Variants in CANX observed in about 807,000 individuals in gnomAD.
The protein encoded by CANX is calnexin, also known as epididymis secretory sperm binding protein.
In CANX, 14 loss-of-function variants were observed where a neutral mutation model predicts 75.7. The ratio of observed to expected loss-of-function variants is 0.19; its 90% CI spans 0.12 to 0.29. The LOEUF (loss-of-function observed/expected upper bound fraction) is 0.29, where lower values mean the gene tolerates loss of function less well. CANX is among the 10% of genes least tolerant of loss of function. CANX has a pLI of 1.00. For synonymous variants in CANX, 227 were observed against 236.9 expected (o/e 0.96, Z 0.38); for missense variants, 567 against 713.2 (o/e 0.79, Z 2.34).
intron 1 of CANX, among the ~76,000 whole-genome samples, chr5:179,693,145 CAAA>C (rs766961125): frequency 5.4e-5 from 5 of 92,984 alleles, no homozygotes; most frequent in African/African-American, 1.5e-4. Context: ...AACTCCGTCT[CAAA>C]AAAAAAAAAA....
At chr5:179,691,170 G>C (rs1776293445) in intron 1 of CANX, among the ~76,000 whole-genome samples, 1 of 151,384 alleles carries the variant, frequency 6.6e-6, no homozygotes, top group Non-Finnish European at 1.5e-5. Flanking sequence ...GGATTACAGG[G>C]CCTACCACCA....
upstream of CANX, chr5:179,698,423 C>G: frequency 7.8e-7 from 1 of 1,278,686 alleles, no homozygotes; most frequent in Non-Finnish European, 1.0e-6. Context: ...GAGCAGTGCA[C>G]GCCAATCCGG....
At position 179,728,948 on chromosome 5, in the gene CANX, G is replaced by A. The variant is rs918011713; in HGVS notation, c.*304G>A. 2 of 390,856 alleles carry A rather than the reference G, an allele frequency of 5.1e-6. No homozygotes were observed. The highest frequency in any genetic ancestry group is 9.5e-6 in the Non-Finnish European group (2 of 209,724). 24.2% of individuals were successfully genotyped at this position (390,856 alleles called of 1,614,324 possible). On this transcript the variant is annotated 3_prime_UTR_variant, in exon 15 of 15. Transcript: ENST00000247461. Reference sequence around the variant, plus strand: ...TCTTTGTTTTTAAAATAGAATGATAGAACTTTGCCAGTCTTTAAGATCTTG... The same window carrying A: ...TCTTTGTTTTTAAAATAGAATGATAAAACTTTGCCAGTCTTTAAGATCTTG...
chr5:179,682,059 T>C (rs888402519), intron 1 of CANX, among the ~76,000 whole-genome samples: 1 of 151,582 alleles, frequency 6.6e-6, no homozygotes, highest in Admixed American at 6.6e-5. Flanking sequence ...GAGAACTGCC[T>C]GACCAACATG....
At chr5:179,701,008 GC>G (rs1562458665) in intron 1 of CANX, 1 of 152,148 alleles carries the variant, frequency 6.6e-6, no homozygotes, top group Non-Finnish European at 1.5e-5. Flanking sequence ...GACTACAGGT[GC>G]CCGCCACCAC....
chr5:179,713,591 G>A (rs1398811573), intron 7 of CANX, among the ~76,000 whole-genome samples: 1 of 152,140 alleles, frequency 6.6e-6, no homozygotes, highest in African/African-American at 2.4e-5. Context: ...CAGAAGAGCT[G>A]GAAGAGAATT....
chr5:179,724,566 C>T (rs1382488075), intron 12 of CANX, 91 bp from the exon 13 acceptor site: 15 of 1,066,104 alleles, frequency 1.4e-5, no homozygotes, highest in Non-Finnish European at 2.0e-5. Context: ...TGTATACAGC[C>T]TGGAACAGAA....
intron 1 of CANX, among the ~76,000 whole-genome samples, chr5:179,683,271 G>A (rs1002196521): frequency 5.3e-5 from 8 of 151,766 alleles, no homozygotes; most frequent in Admixed American, 1.3e-4. Context: ...GGGACTACAG[G>A]CACCCGCCAC....
In CANX at chr5:179,708,316, C is replaced by T. The variant is rs753609572; in HGVS notation, c.382C>T (p.His128Tyr). ...KGLVLMSRAK[H>Y]HAISAKLNKP... ...ACTTGTGTTGATGTCTCGGGCCAAGCATCATGCCATCTCTGCTAAACTGAA... is the reference window on the plus strand; with the variant it reads ...ACTTGTGTTGATGTCTCGGGCCAAGTATCATGCCATCTCTGCTAAACTGAA... The change falls in exon 5 of 15, where the codon CAT (histidine) becomes TAT (tyrosine). Residue 128 changes from histidine to tyrosine, a missense_variant. His to Tyr is a moderately conservative substitution (Grantham distance 83). This residue lies in a region of CANX where 351 missense variants were observed against 433.8 expected (regional missense o/e 0.81). Coordinates refer to ENST00000247461, the MANE Select transcript of CANX (RefSeq NM_001746.4). 1.2e-6 allele frequency: 2 copies of T among 1,613,756 alleles called. No individual in the cohort carries two copies. The highest frequency in any genetic ancestry group is 2.2e-5 in the East Asian group (1 of 44,872).
rs763822180 is a variant in CANX, at chr5:179,680,937, T to C, written c.-4+2160T>C. On this transcript the variant is annotated intron_variant, in intron 1 of 14. Coordinates refer to the CANX transcript ENST00000681674. ...CCCACATCCAGGCCCACCCTTGAGATTGTATCTTCTCGGAGGATGTTTCCC... is the reference window on the plus strand; with the variant it reads ...CCCACATCCAGGCCCACCCTTGAGACTGTATCTTCTCGGAGGATGTTTCCC... The C allele has an allele frequency of 1.5e-5, 23 of 1,534,854 alleles. No individual in the cohort carries two copies. The African/African-American group carries it at 1.6e-4, about 11-fold the overall frequency.
intron 1 of CANX, chr5:179,679,187 G>A (rs1334143407): frequency 6.5e-7 from 1 of 1,535,004 alleles, no homozygotes; most frequent in African/African-American, 1.4e-5. Flanking sequence ...GGAGCCTCGG[G>A]AGCGCTGGCG....
chr5:179,709,738 T>C, intron 6 of CANX, 135 bp from the exon 7 acceptor site: 2 of 567,186 alleles, frequency 3.5e-6, no homozygotes, highest in Non-Finnish European at 6.1e-6. Flanking sequence ...CTAAACAAAC[T>C]TGTAGTTAGC....
At chr5:179,682,299 G>C (rs980466664) in intron 1 of CANX, among the ~76,000 whole-genome samples, 15 of 151,828 alleles carry the variant, frequency 9.9e-5, no homozygotes, top group Non-Finnish European at 1.8e-4. Flanking sequence ...TATCCAGGCC[G>C]GGCACGGTGG....
chr5:179,724,810 C>CT, intron 13 of CANX, 27 bp downstream of exon 13: 1 of 1,587,182 alleles, frequency 6.3e-7, no homozygotes, highest in Non-Finnish European at 8.6e-7. Flanking sequence ...AGAAAATCTG[C>CT]TTTAAGCCAA....
chr5:179,697,719 C>T (rs756586875), upstream of CANX, among the ~76,000 whole-genome samples: 1 of 152,064 alleles, frequency 6.6e-6, no homozygotes, highest in Non-Finnish European at 1.5e-5. Context: ...ATGGTGAAAC[C>T]TGTCTCTACT....
At chr5:179,725,281 A>C (rs933604635) in intron 13 of CANX, among the ~76,000 whole-genome samples, 6 of 151,518 alleles carry the variant, frequency 4.0e-5, no homozygotes, top group Admixed American at 3.9e-4. Context: ...ATCTCGGTTC[A>C]CTGCAGCCTT....
intron 5 of CANX, 69 bp downstream of exon 5, chr5:179,708,449 T>C (rs1007932851): frequency 1.4e-6 from 2 of 1,399,584 alleles, no homozygotes; most frequent in Non-Finnish European, 2.0e-6. Flanking sequence ...ATGTAACTTT[T>C]ACTCTATGTT....
intron 7 of CANX, 41 bp downstream of exon 7, chr5:179,710,106 A>G (rs1247992847): frequency 1.7e-6 from 2 of 1,147,262 alleles, no homozygotes; most frequent in East Asian, 2.5e-5. Context: ...GGTATTACAT[A>G]TATATCATCC....
chr5:179,681,948 A>G (rs1776074210), intron 1 of CANX, among the ~76,000 whole-genome samples: 1 of 148,780 alleles, frequency 6.7e-6, no homozygotes, highest in African/African-American at 2.5e-5. Context: ...TGTGTTTAAA[A>G]AAAAAAAAAA....
Sources: gnomAD v4.1 joint callset for allele counts (sites outside exome capture counted in the v4.1 genomes callset) on GRCh38, gnomAD v4.1.1 for gene constraint, gnomAD v4.1.1 regional missense constraint, MANE v1.5 for transcripts, NCBI Gene and HGNC (gene_info 2026-07-23, HGNC 2026-07-21) for gene names.